CNTN5: variants seen among roughly 807,000 people sequenced by gnomAD.
CNTN5 encodes contactin-5.
CNTN5 carries 77 observed loss-of-function variants against 129.1 expected under a neutral mutation model. That is an observed-to-expected ratio of 0.60 (90% CI 0.50 to 0.72). The LOEUF (loss-of-function observed/expected upper bound fraction) is 0.72, where lower values mean the gene tolerates loss of function less well. Ranked by LOEUF, CNTN5 falls within the 30% of genes least tolerant of loss-of-function variation. The pLI is 0.00. For missense variants in CNTN5, 1,478 were observed against 1,328.8 expected (o/e 1.11, Z -1.75); for synonymous variants, 509 against 465.6 (o/e 1.09, Z -1.20).
intron 13 of CNTN5, among the ~76,000 whole-genome samples, chr11:100,075,435 A>C (rs947263063): frequency 2.6e-5 from 4 of 152,136 alleles, no homozygotes; most frequent in African/African-American, 9.7e-5. Context: ...CAAGAGAAAA[A>C]CATAACACAT....
intron 3 of CNTN5, among the ~76,000 whole-genome samples, chr11:99,600,308 A>C (rs555713845): frequency 3.0e-4 from 46 of 152,316 alleles, no homozygotes; most frequent in African/African-American, 1.1e-3. Context: ...CTATGTGAGC[A>C]ATATAAGACC....
chr11:99,770,009 A>G (rs1310937967), intron 3 of CNTN5, among the ~76,000 whole-genome samples: 6 of 152,154 alleles, frequency 3.9e-5, no homozygotes, highest in East Asian at 1.9e-4. Context: ...GGAAATCACA[A>G]TATCAGTATC....
At chr11:99,582,099 GGA>G (rs1459406905) in intron 3 of CNTN5, among the ~76,000 whole-genome samples, 2 of 151,996 alleles carry the variant, frequency 1.3e-5, no homozygotes, top group African/African-American at 4.8e-5. Flanking sequence ...TAATTTGGCT[GGA>G]TATGAAATTC....
At chr11:99,861,319 G>T (rs1948201028) in intron 6 of CNTN5, among the ~76,000 whole-genome samples, 1 of 152,098 alleles carries the variant, frequency 6.6e-6, no homozygotes, top group Non-Finnish European at 1.5e-5. Flanking sequence ...TCCTTGGAGA[G>T]ATCTTTCACC....
chr11:99,635,014 T>G (rs1381418551), intron 3 of CNTN5, among the ~76,000 whole-genome samples: 1 of 152,188 alleles, frequency 6.6e-6, no homozygotes, highest in African/African-American at 2.4e-5. Flanking sequence ...TCTGTATACA[T>G]TTGTGGGGAA....
chr11:99,058,291 A>G (rs1316583071), intron 1 of CNTN5, among the ~76,000 whole-genome samples: 1 of 152,022 alleles, frequency 6.6e-6, no homozygotes, highest in South Asian at 2.1e-4. Context: ...CTAAGAGGCT[A>G]TGTCACATAA....
chr11:100,142,758 A>C (rs1415782036), intron 13 of CNTN5, among the ~76,000 whole-genome samples: 1 of 149,398 alleles, frequency 6.7e-6, no homozygotes, highest in African/African-American at 2.5e-5. Context: ...TAATGATGTC[A>C]TTTTTTTTTT....
At chr11:100,051,837 T>C (rs374822274) in intron 9 of CNTN5, among the ~76,000 whole-genome samples, 2 of 151,854 alleles carry the variant, frequency 1.3e-5, no homozygotes, top group Non-Finnish European at 2.9e-5. Context: ...ATTTTACAAC[T>C]AGGTCAAATA....
rs964542805 is a variant in CNTN5 at position 99,214,925 on chromosome 11, T to C, written c.-209-110421T>C. On this transcript the variant is annotated intron_variant, in intron 1 of 24. Transcript: ENST00000524871. The stretch of plus-strand genomic sequence containing the variant: ...GTATTTCAAGTGATACTCAAGTAGT[T>C]ATTCTCAAGTAAGTCTATGATTAGA... Among the ~76,000 whole-genome samples, 6 of 152,258 alleles carry C rather than the reference T, an allele frequency of 3.9e-5. No homozygotes were observed. The South Asian group carries it at 1.2e-3, about 32-fold the overall frequency.
At position 99,979,212 on chromosome 11, in the gene CNTN5, A is replaced by T. The variant is rs75725140; in HGVS notation, c.877+22203A>T. On this transcript the variant is annotated intron_variant, in intron 8 of 24. Transcript: ENST00000524871. ...AAGAACTCATGATCTAGTAGAGGAG[A>T]TAGACAAGTTAATGATCCTGTCAAA... Among the ~76,000 whole-genome samples, 542 of 152,200 alleles carry T rather than the reference A, an allele frequency of 3.6e-3. 2 individuals carry two copies. The highest frequency in any genetic ancestry group is 0.013 in the African/African-American group (520 of 41,518).
intron 6 of CNTN5, among the ~76,000 whole-genome samples, chr11:99,852,898 A>G (rs1947917312): frequency 6.6e-6 from 1 of 152,210 alleles, no homozygotes; most frequent in South Asian, 2.1e-4. Flanking sequence ...CAAGCATAGG[A>G]GATTCCAAAG....
At chr11:99,920,427 C>T (rs1223790793) in intron 7 of CNTN5, among the ~76,000 whole-genome samples, 1 of 152,122 alleles carries the variant, frequency 6.6e-6, no homozygotes, top group African/African-American at 2.4e-5. Flanking sequence ...CTAACCCAGA[C>T]TCTGGCTTGT....
At chr11:99,862,333 A>G (rs1035336331) in intron 6 of CNTN5, among the ~76,000 whole-genome samples, 3 of 145,888 alleles carry the variant, frequency 2.1e-5, no homozygotes, top group Non-Finnish European at 4.5e-5. Context: ...TTCGGCCACA[A>G]AGCGATATCC....
intron 9 of CNTN5, among the ~76,000 whole-genome samples, chr11:100,046,280 A>G (rs1942671319): frequency 6.6e-6 from 1 of 152,196 alleles, no homozygotes; most frequent in African/African-American, 2.4e-5. Flanking sequence ...GAATCCAGCA[A>G]CCAACTGGAG....
intron 2 of CNTN5, among the ~76,000 whole-genome samples, chr11:99,375,310 A>G (rs1940107084): frequency 1.3e-5 from 2 of 150,490 alleles, no homozygotes; most frequent in African/African-American, 4.9e-5. Context: ...CTCAAAAAAA[A>G]AAAAAAAAAA....
At chr11:100,067,979 A>T (rs1943760531) in intron 10 of CNTN5, among the ~76,000 whole-genome samples, 1 of 152,216 alleles carries the variant, frequency 6.6e-6, no homozygotes. Flanking sequence ...GTTTTCTCAG[A>T]TGTCAAATCT....
At chr11:99,495,671 G>A (rs1946198261) in intron 2 of CNTN5, among the ~76,000 whole-genome samples, 1 of 152,146 alleles carries the variant, frequency 6.6e-6, no homozygotes, top group Non-Finnish European at 1.5e-5. Flanking sequence ...AGGCTTTCTG[G>A]AAGTAGAGAG....
At chr11:99,214,848 C>G (rs1860038831) in intron 1 of CNTN5, among the ~76,000 whole-genome samples, 1 of 152,074 alleles carries the variant, frequency 6.6e-6, no homozygotes, top group South Asian at 2.1e-4. Context: ...CCTCCTGATG[C>G]TTAAATTCTC....
intron 6 of CNTN5, among the ~76,000 whole-genome samples, chr11:99,861,976 A>G (rs914085035): frequency 1.3e-5 from 2 of 152,168 alleles, no homozygotes; most frequent in African/African-American, 4.8e-5. Flanking sequence ...TGTAATTCAA[A>G]CTTTATTATC....
Sources: gnomAD v4.1 joint callset for allele counts (sites outside exome capture counted in the v4.1 genomes callset) on GRCh38, gnomAD v4.1.1 for gene constraint, MANE v1.5 for transcripts, NCBI Gene and HGNC (gene_info 2026-07-23, HGNC 2026-07-21) for gene names.